PTPRD: variants seen among roughly 807,000 people sequenced by gnomAD.
PTPRD encodes the protein receptor-type tyrosine-protein phosphatase delta.
A neutral mutation model predicts 214.5 loss-of-function variants in PTPRD; 34 were observed. The ratio of observed to expected loss-of-function variants is 0.16; its 90% confidence interval spans 0.12 to 0.21. The LOEUF is 0.21. Among genes scored for constraint, PTPRD ranks in the 10% least tolerant of loss-of-function variants. The probability of loss-of-function intolerance (pLI) is 1.00; values close to 1 mark genes in which losing one functional copy is unlikely to be tolerated. For synonymous variants in PTPRD, 1,128 were observed against 845.7 expected (o/e 1.33, Z -5.79); for missense variants, 2,545 against 2,398.7 (o/e 1.06, Z -1.27).
At chr9:9,370,516 G>A (rs1254665639) in intron 9 of PTPRD, among the ~76,000 whole-genome samples, 1 of 151,568 alleles carries the variant, frequency 6.6e-6, no homozygotes, top group Non-Finnish European at 1.5e-5. Context: ...TTTGAGCTGA[G>A]ATGATGGGGT....
rs192502432 is a variant in PTPRD at position 10,298,158 on chromosome 9, A to G, written c.-545+42805T>C. On this transcript the variant is annotated intron_variant, in intron 3 of 45. Transcript: ENST00000381196. ...ATCATGAATTTTCTTTTTCATCACT[A>G]CTAAATCAAACAACAATCTTCTTTA... is the stretch of plus-strand genomic sequence containing the variant. 3.3e-5 allele frequency among the ~76,000 whole-genome samples: 5 copies of G among 152,250 alleles called. No individual in the cohort carries two copies. The East Asian group carries it at 5.8e-4, about 18-fold the overall frequency.
At chr9:10,415,570 C>G (rs920776370) in intron 2 of PTPRD, among the ~76,000 whole-genome samples, 3 of 151,702 alleles carry the variant, frequency 2.0e-5, no homozygotes, top group Admixed American at 2.0e-4. Context: ...TCTTGCTGTC[C>G]TTAAAGATAA....
At chr9:10,095,778 C>T (rs1377967622) in intron 3 of PTPRD, among the ~76,000 whole-genome samples, 1 of 151,548 alleles carries the variant, frequency 6.6e-6, no homozygotes, top group Non-Finnish European at 1.5e-5. Context: ...ATGCATCCTA[C>T]TTCATGGATA....
chr9:9,651,841 T>G (rs1301670844), intron 7 of PTPRD, among the ~76,000 whole-genome samples: 11 of 135,870 alleles, frequency 8.1e-5, no homozygotes, highest in African/African-American at 2.5e-4. Context: ...TTTTTTTTTT[T>G]TTTTTTTTTT....
At position 10,125,776 on chromosome 9, in the gene PTPRD, C is replaced by T. The variant is rs1386541948; in HGVS notation, c.-544-91986G>A. Among the ~76,000 whole-genome samples, 5 of 151,852 alleles carry T rather than the reference C, an allele frequency of 3.3e-5. No individual in the cohort carries two copies. The East Asian group carries it at 7.7e-4, about 24-fold the overall frequency. Reference sequence around the variant, plus strand: ...GGATTATAGGCGTGAGCCACCGCACCCATCTTCTTTTTAAAAAATATTTTA... The same window carrying T: ...GGATTATAGGCGTGAGCCACCGCACTCATCTTCTTTTTAAAAAATATTTTA... On this transcript the variant is annotated intron_variant, in intron 3 of 45. Coordinates refer to ENST00000381196, the MANE Select transcript of PTPRD (RefSeq NM_002839.4).
intron 10 of PTPRD, among the ~76,000 whole-genome samples, chr9:9,079,519 G>A (rs1257021681): frequency 6.6e-6 from 1 of 152,058 alleles, no homozygotes; most frequent in Non-Finnish European, 1.5e-5. Context: ...TTCTCAGTAG[G>A]GGGATTGCTG....
intron 11 of PTPRD, among the ~76,000 whole-genome samples, chr9:8,792,609 G>A (rs1363018231): frequency 2.0e-5 from 3 of 152,094 alleles, no homozygotes; most frequent in Non-Finnish European, 2.9e-5. Flanking sequence ...TGAGAAGAGG[G>A]GCTTGTCATA....
chr9:10,256,397 T>TTTA (rs2093281113), intron 3 of PTPRD, among the ~76,000 whole-genome samples: 1 of 135,074 alleles, frequency 7.4e-6, no homozygotes. Context: ...AATTACAGCT[T>TTTA]TTTTTTTTTT....
At chr9:10,600,892 T>C (rs536589979) in intron 2 of PTPRD, among the ~76,000 whole-genome samples, 119 of 151,904 alleles carry the variant, frequency 7.8e-4, no homozygotes, top group Middle Eastern at 6.8e-3. Flanking sequence ...TTACAAAATA[T>C]GAGACAGCCT....
chr9:9,968,131 C>G (rs983250381), intron 4 of PTPRD, among the ~76,000 whole-genome samples: 11 of 152,204 alleles, frequency 7.2e-5, no homozygotes, highest in Non-Finnish European at 8.8e-5. Context: ...AAAAATTTAT[C>G]ACATTTTAAA....
rs917105111 is a variant in PTPRD, at chr9:8,561,745, C to G, written c.353-32966G>C. Among the ~76,000 whole-genome samples, 4 of 142,336 alleles carry G rather than the reference C, an allele frequency of 2.8e-5. No homozygotes were observed. The East Asian group carries it at 8.2e-4, about 29-fold the overall frequency. The allele number at this position is 142,336 out of a possible 152,430, so 93.4% of individuals were successfully genotyped here. On this transcript the variant is annotated intron_variant, in intron 14 of 45. Coordinates refer to ENST00000381196, the MANE Select transcript of PTPRD (RefSeq NM_002839.4). ...TTTTATAAAGTCTTTAGGAAAGGAT[C>G]CTTGGATTTTTTTTTTTTTTCCATT...
At chr9:10,025,171 G>A (rs1268890699) in intron 4 of PTPRD, among the ~76,000 whole-genome samples, 1 of 152,028 alleles carries the variant, frequency 6.6e-6, no homozygotes, top group African/African-American at 2.4e-5. Context: ...AGGTCAAATG[G>A]TATTTCTAGT....
At chr9:10,431,114 G>C (rs1004682788) in intron 2 of PTPRD, among the ~76,000 whole-genome samples, 1 of 151,800 alleles carries the variant, frequency 6.6e-6, no homozygotes, top group Non-Finnish European at 1.5e-5. Context: ...ATTAACATAA[G>C]CCTCTCAAGA....
intron 9 of PTPRD, among the ~76,000 whole-genome samples, chr9:9,189,778 A>C (rs1469241074): frequency 6.6e-6 from 1 of 152,044 alleles, no homozygotes; most frequent in Admixed American, 6.6e-5. Flanking sequence ...TTTGCTATGC[A>C]CTCAGGTGGA....
At chr9:10,316,278 AATT>A (rs2096429646) in intron 3 of PTPRD, among the ~76,000 whole-genome samples, 4 of 151,516 alleles carry the variant, frequency 2.6e-5, no homozygotes, top group Non-Finnish European at 5.9e-5. Context: ...ATAATTTAAT[AATT>A]TAGCATATTG....
At chr9:10,213,917 GT>G (rs1315410629) in intron 3 of PTPRD, among the ~76,000 whole-genome samples, 5 of 152,072 alleles carry the variant, frequency 3.3e-5, no homozygotes, top group Admixed American at 2.6e-4. Flanking sequence ...TGTCTTGATG[GT>G]TAAGATTTAC....
chr9:9,654,559 A>G (rs978866350), intron 7 of PTPRD, among the ~76,000 whole-genome samples: 1 of 152,106 alleles, frequency 6.6e-6, no homozygotes, highest in Non-Finnish European at 1.5e-5. Flanking sequence ...ACAAAACAGC[A>G]CCTGAACATT....
intron 9 of PTPRD, among the ~76,000 whole-genome samples, chr9:9,372,071 G>GA (rs2059661537): frequency 6.6e-6 from 1 of 152,184 alleles, no homozygotes; most frequent in Non-Finnish European, 1.5e-5. Flanking sequence ...GTGTGGTGCT[G>GA]AAAAGAATGT....
chr9:9,640,404 G>A (rs1419397495), intron 7 of PTPRD, among the ~76,000 whole-genome samples: 2 of 152,150 alleles, frequency 1.3e-5, no homozygotes, highest in African/African-American at 4.8e-5. Context: ...ACTGAGAGAG[G>A]AACAAGGGCC....
Sources: allele counts gnomAD v4.1 joint callset (sites outside exome capture counted in the v4.1 genomes callset), GRCh38; gene constraint gnomAD v4.1.1; transcripts MANE v1.5; gene names NCBI Gene and HGNC (gene_info 2026-07-23, HGNC 2026-07-21).